The following SFPQ variants were observed in gnomAD, a reference collection of about 807,000 sequenced individuals.
The protein encoded by SFPQ is splicing factor proline and glutamine rich.
SFPQ carries 11 observed loss-of-function variants against 72.9 expected under a neutral mutation model. The ratio of observed to expected loss-of-function variants is 0.15; its 90% CI spans 0.09 to 0.25. SFPQ has a LOEUF of 0.25. SFPQ is among the 10% of genes least tolerant of loss of function. The pLI, the probability that SFPQ is intolerant of heterozygous loss-of-function variation, is 1.00. For missense variants in SFPQ, 847 were observed against 993.3 expected (o/e 0.85, Z 1.98); for synonymous variants, 506 against 367.3 (o/e 1.38, Z -4.32).
Position 35,184,511 on chromosome 1 carries a change from C to G in SFPQ, c.2069G>C (p.Gly690Ala). 6.2e-7 allele frequency: 1 copy of G among 1,613,372 alleles called. No individual in the cohort carries two copies. The highest frequency in any genetic ancestry group is 1.1e-5 in the South Asian group (1 of 90,946). The change falls in exon 10 of 10, where the codon GGA becomes GCA. Residue 690 changes from glycine (G) to alanine (A), a missense_variant. Physicochemically the swap from Gly to Ala is moderately conservative, Grantham distance 60. Around this residue, in one of 6 missense-constraint regions of SFPQ, gnomAD observed 154 missense variants for 186.0 expected, o/e 0.83. Coordinates refer to ENST00000357214, the MANE Select transcript of SFPQ (RefSeq NM_005066.3). ...GTACTCTTCTCTCCCTCTACCATAT[C>G]CTGCTGGAGTTCCAGGCCCCATTCC... is the stretch of plus-strand genomic sequence containing the variant. ...PRGMGPGTPA[G>A]YGRGREEYEG...
chr1:35,192,760 T>G lies in SFPQ; in HGVS notation c.290A>C (p.Gln97Pro). 7 of 1,497,212 alleles carry G rather than the reference T, an allele frequency of 4.7e-6. No individual in the cohort carries two copies. The highest frequency in any genetic ancestry group is 6.2e-6 in the Non-Finnish European group (7 of 1,129,160). 92.7% of individuals were successfully genotyped at this position (1,497,212 alleles called of 1,614,324 possible). Residue 97 changes from glutamine to proline, a missense_variant, in exon 1 of 10, where the codon CAG becomes CCG. By Grantham distance (76) the Gln-to-Pro change is moderately conservative (BLOSUM62 -1). Around this residue, in one of 6 missense-constraint regions of SFPQ, gnomAD observed 498 missense variants for 405.1 expected, o/e 1.23. Transcript: ENST00000357214. ...GTCCTGCGGCGGTGGCGGCGGCTGC[T>G]GCTGCTGATGCGGCTGTGGATGCGG... ...PPPHPQPHQQ[Q>P]QPPPPPQDSS... is the part of the protein sequence containing the mutation.
chr1:35,177,383 G>A (rs145493685), exon 5 of SFPQ: 1 of 152,040 alleles, frequency 6.6e-6, no homozygotes, highest in Admixed American at 6.6e-5. Flanking sequence ...GTGATGTCTT[G>A]AGAAGTATCT....
intron 9 of SFPQ, among the ~76,000 whole-genome samples, chr1:35,184,852 A>AT (rs1639633984): frequency 6.6e-6 from 1 of 152,242 alleles, no homozygotes; most frequent in African/African-American, 2.4e-5. Flanking sequence ...GTGCTAAAAA[A>AT]TTTAAGAATT....
chr1:35,179,209 G>A (rs1377306497), downstream of SFPQ: 10 of 1,061,238 alleles, frequency 9.4e-6, no homozygotes, highest in East Asian at 4.6e-4. Flanking sequence ...CAGGACTGTG[G>A]ATCATGTCAC....
In SFPQ at chr1:35,184,721, G is replaced by A. The variant is rs1056009055; in HGVS notation, c.1987-128C>T. 7.7e-6 allele frequency: 10 copies of A among 1,292,104 alleles called. No homozygotes were observed. In the South Asian group the frequency reaches 1.0e-4, roughly 14 times the overall value. The allele number at this position is 1,292,104 out of a possible 1,614,324, so 80.0% of individuals were successfully genotyped here. On this transcript the variant is annotated intron_variant, in intron 9 of 9. Coordinates refer to ENST00000357214, the MANE Select transcript of SFPQ (RefSeq NM_005066.3). Reference sequence around the variant, plus strand: ...ACCAATGAGTCGATCCACAGGTACCGGGAACATAGAAAGGAAAAAAGGGTA... The same window carrying A: ...ACCAATGAGTCGATCCACAGGTACCAGGAACATAGAAAGGAAAAAAGGGTA...
rs1337514352 is a variant in SFPQ at position 35,192,511 on chromosome 1, TGAG to T, written c.536_538del (p.Pro179del). On this transcript the variant is annotated inframe_deletion, in exon 1 of 10. Coordinates refer to ENST00000357214, the MANE Select transcript of SFPQ (RefSeq NM_005066.3). ...GGGCGGAGGCGGCGGGCCTCCGGCC[TGAG>T]GAGGTGTGGTAGGGACCCCGCTGCT... The T allele has an allele frequency of 4.7e-5, 63 of 1,327,132 alleles. 2 individuals are homozygous for T. The highest frequency in any genetic ancestry group is 1.2e-4 in the South Asian group (6 of 48,348). The allele number at this position is 1,327,132 out of a possible 1,614,324, so 82.2% of individuals were successfully genotyped here.
At chr1:35,182,239 G>C (rs1048396710), downstream of SFPQ, 13 of 985,294 alleles carry the variant, frequency 1.3e-5, no homozygotes, top group African/African-American at 2.3e-4. Context: ...CTTGTCTTTA[G>C]TAGAGTCCCT....
chr1:35,187,757 A>C (rs1038263554), intron 7 of SFPQ, among the ~76,000 whole-genome samples: 1 of 152,094 alleles, frequency 6.6e-6, no homozygotes, highest in Non-Finnish European at 1.5e-5. Context: ...AAACAAAAAA[A>C]CAAAACAAAA....
intron 7 of SFPQ, among the ~76,000 whole-genome samples, chr1:35,187,750 C>CA (rs997037320): frequency 1.3e-5 from 2 of 151,088 alleles, no homozygotes; most frequent in African/African-American, 2.4e-5. Flanking sequence ...ACCAAACAAA[C>CA]AAAAAAACAA....
chr1:35,182,247 C>T (rs1443771040), downstream of SFPQ: 2 of 984,684 alleles, frequency 2.0e-6, no homozygotes, highest in African/African-American at 3.5e-5. Context: ...TAGTAGAGTC[C>T]CTACTATATA....
chr1:35,190,795 A>G lies in SFPQ; in HGVS notation c.1218T>C (p.Asp406=), dbSNP rs1370497015. The change falls in exon 3 of 10, where the codon GAT becomes GAC. Residue 406 remains aspartate (D), a synonymous_variant. Transcript: ENST00000357214. ...TGCCTTTCCCTGTAGATCTTCCACG[A>G]TCATCCACTATTACAACAGCCCTTT... ...PIERAVVIVD[D]RGRSTGKGIV... The G allele has an allele frequency of 1.9e-6, 3 of 1,614,210 alleles. No individual in the cohort carries two copies. Among genetic ancestry groups the G allele is most frequent in the Admixed American group, 3.3e-5 (2 of 60,024 alleles).
At position 35,184,323 on chromosome 1, in the gene SFPQ, T is replaced by C; in HGVS notation, c.*133A>G. The C allele has an allele frequency of 1.3e-6, 2 of 1,492,344 alleles. No homozygotes were observed. Among genetic ancestry groups the C allele is most frequent in the Non-Finnish European group, 1.8e-6 (2 of 1,129,186 alleles). The allele number at this position is 1,492,344 out of a possible 1,614,324, so 92.4% of individuals were successfully genotyped here. On this transcript the variant is annotated 3_prime_UTR_variant, in exon 10 of 10. Coordinates refer to ENST00000357214, the MANE Select transcript of SFPQ (RefSeq NM_005066.3). ...TAATTTTACCTGCCCAAACAGACCA[T>C]TTACAAATATTAGGTCAATAAACTG...
chr1:35,183,074 C>A lies in SFPQ; in HGVS notation c.*1382G>T. 9.7e-7 allele frequency: 1 copy of A among 1,032,196 alleles called. No individual in the cohort carries two copies. Among genetic ancestry groups the A allele is most frequent in the Non-Finnish European group, 1.2e-6 (1 of 858,528 alleles). 63.9% of individuals were successfully genotyped at this position (1,032,196 alleles called of 1,614,324 possible). A position where few individuals can be genotyped will look rare whatever the true frequency, so the allele number is the denominator to read the frequency against. On this transcript the variant is annotated 3_prime_UTR_variant, in exon 10 of 10. Transcript: ENST00000357214. ...TTACAATAAGAATGATTATCTGCAACCCTATTTGTTAACAATCACCACTAG... is the reference window on the plus strand; with the variant it reads ...TTACAATAAGAATGATTATCTGCAAACCTATTTGTTAACAATCACCACTAG...
downstream of SFPQ, chr1:35,181,609 T>G: frequency 1.5e-5 from 16 of 1,059,914 alleles, no homozygotes; most frequent in Non-Finnish European, 1.8e-5. Flanking sequence ...TATGCAGTTT[T>G]TAAAGATTAG....
Position 35,183,476 on chromosome 1 carries a change from CA to C in SFPQ, c.*979del, listed in dbSNP as rs1400975874. On this transcript the variant is annotated 3_prime_UTR_variant, in exon 10 of 10. Coordinates refer to ENST00000357214, the MANE Select transcript of SFPQ (RefSeq NM_005066.3). Reference sequence around the variant, plus strand: ...TCATGATTTGCCCACCTCAGCCTCCCAAAGTGCTGGGATTACAGGCGTGAGC... The same window carrying C: ...TCATGATTTGCCCACCTCAGCCTCCCAAGTGCTGGGATTACAGGCGTGAGC... 2.1e-5 allele frequency: 17 copies of C among 792,926 alleles called. No homozygotes were observed. The highest frequency in any genetic ancestry group is 3.7e-5 in the African/African-American group (2 of 53,592). The allele number at this position is 792,926 out of a possible 1,614,324, so 49.1% of individuals were successfully genotyped here. A position where few individuals can be genotyped will look rare whatever the true frequency, so the allele number is the denominator to read the frequency against.
At chr1:35,178,193 G>C (rs1639325468), downstream of SFPQ, 3 of 1,069,408 alleles carry the variant, frequency 2.8e-6, no homozygotes, top group Non-Finnish European at 3.4e-6. Context: ...TTCATGGTGG[G>C]GGGGAAATCT....
At chr1:35,181,618 A>G, downstream of SFPQ, 1 of 1,060,358 alleles carries the variant, frequency 9.4e-7, no homozygotes, top group Non-Finnish European at 1.1e-6. Context: ...TTTAAAGATT[A>G]GGAGAAGTAT....
chr1:35,183,090 T>C lies in SFPQ; in HGVS notation c.*1366A>G. ...TATCTGCAACCCTATTTGTTAACAA[T>C]CACCACTAGCTCTTAGAAGAGAACC... On this transcript the variant is annotated 3_prime_UTR_variant, in exon 10 of 10. Transcript: ENST00000357214. 1 of 1,031,134 alleles carries C rather than the reference T, an allele frequency of 9.7e-7. No homozygotes were observed. Among genetic ancestry groups the C allele is most frequent in the Non-Finnish European group, 1.2e-6 (1 of 858,724 alleles). The allele number at this position is 1,031,134 out of a possible 1,614,324, so 63.9% of individuals were successfully genotyped here. A position where few individuals can be genotyped will look rare whatever the true frequency, so the allele number is the denominator to read the frequency against.
intron 7 of SFPQ, 94 bp from the exon 8 acceptor site, chr1:35,187,345 A>G (rs1570126259): frequency 8.7e-7 from 1 of 1,145,422 alleles, no homozygotes; most frequent in Non-Finnish European, 1.3e-6. Context: ...AATAAAAAAC[A>G]TGGTAAAGTT....
Sources: allele counts gnomAD v4.1 joint callset (sites outside exome capture counted in the v4.1 genomes callset), GRCh38; gene constraint gnomAD v4.1.1; regional missense constraint gnomAD v4.1.1; transcripts MANE v1.5; gene names NCBI Gene and HGNC (gene_info 2026-07-23, HGNC 2026-07-21).